The following REV3L variants were observed in gnomAD, a reference collection of about 807,000 sequenced individuals.
REV3L encodes the protein DNA polymerase zeta catalytic subunit.
REV3L carries 69 observed loss-of-function variants against 299.4 expected under a neutral mutation model. The ratio of observed to expected loss-of-function variants is 0.23; its 90% confidence interval spans 0.19 to 0.28. The LOEUF is 0.28. Ranked by LOEUF, REV3L falls within the 10% of genes least tolerant of loss-of-function variation. The pLI is 1.00. For synonymous variants in REV3L, 1,238 were observed against 1,271.4 expected, an observed-to-expected ratio of 0.97 and a Z score of 0.56; for missense variants, 3,128 against 3,693.8, an observed-to-expected ratio of 0.85 and a Z score of 3.97.
Position 111,387,890 on chromosome 6 carries a change from T to A in REV3L, c.971A>T (p.Tyr324Phe), listed in dbSNP as rs369481797. 1 of 1,613,952 alleles carries A rather than the reference T, an allele frequency of 6.2e-7. No homozygotes were observed. Among genetic ancestry groups the A allele is most frequent in the Admixed American group, 1.7e-5 (1 of 60,018 alleles). ...AGAGAACTCCTGGGATCCATCGCTG[T>A]AGTCCACAGATCCTGATAATGTTCT... ...FSVTLSGSVD[Y>F]SDGSQEFSAE... The change falls in exon 9 of 32, where the codon TAC (tyrosine) becomes TTC (phenylalanine). Residue 324 changes from tyrosine (Y) to phenylalanine (F), a missense_variant. By Grantham distance (22) the Tyr-to-Phe change is conservative (BLOSUM62 3). Transcript: ENST00000368802.
chr6:111,410,156 G>T (rs1409566455), intron 3 of REV3L, among the ~76,000 whole-genome samples: 1 of 152,176 alleles, frequency 6.6e-6, no homozygotes, highest in Non-Finnish European at 1.5e-5. Context: ...AGTGAGCTAT[G>T]ACTGCACCAT....
Position 111,374,106 on chromosome 6 carries a change from G to C in REV3L, c.4249C>G (p.Pro1417Ala). 3 of 1,614,074 alleles carry C rather than the reference G, an allele frequency of 1.9e-6. No individual in the cohort carries two copies. Among genetic ancestry groups the C allele is most frequent in the Middle Eastern group, 1.6e-4 (1 of 6,062 alleles). Reference protein sequence around the residue: ...LESKLDQAYTPNFLHCKDSQQ... With the variant: ...LESKLDQAYTANFLHCKDSQQ... ...CTGTCTTTGCAATGCAAAAAATTAG[G>C]GGTATATGCTTGGTCCAGCTTTGAT... Residue 1417 changes from proline to alanine, a missense_variant, in exon 13 of 32, where the codon CCT (proline) becomes GCT (alanine). Around this residue, in one of 9 missense-constraint regions of REV3L, gnomAD observed 2,409 missense variants for 2,611.8 expected, o/e 0.92. Transcript: ENST00000368802.
intron 2 of REV3L, among the ~76,000 whole-genome samples, chr6:111,415,365 G>C: frequency 6.6e-6 from 1 of 152,138 alleles, no homozygotes; most frequent in African/African-American, 2.4e-5. Context: ...TTACAGATCT[G>C]CTTTAGTATC....
rs1309331767 is a variant in REV3L, at chr6:111,392,870, A to G, written c.662+6T>C. 1.3e-6 allele frequency: 2 copies of G among 1,572,602 alleles called. No homozygotes were observed. ...AATTTTCATTTCCTTTACAACATTAACTAACCTTGGTATTTCATCTTGTTC... is the reference window on the plus strand; with the variant it reads ...AATTTTCATTTCCTTTACAACATTAGCTAACCTTGGTATTTCATCTTGTTC... On this transcript the variant is annotated splice_donor_region_variant and intron_variant, in intron 5 of 31. Transcript: ENST00000368802.
intron 16 of REV3L, 29 bp downstream of exon 16, chr6:111,363,824 T>C: frequency 6.2e-7 from 1 of 1,604,582 alleles, no homozygotes; most frequent in East Asian, 2.2e-5. Context: ...CTGAACACAA[T>C]GTATGTGTCC....
intron 20 of REV3L, among the ~76,000 whole-genome samples, chr6:111,347,011 T>A (rs1245810181): frequency 1.3e-5 from 2 of 152,174 alleles, no homozygotes; most frequent in African/African-American, 4.8e-5. Context: ...GGCTCACACC[T>A]GTAGTCCCAG....
At chr6:111,392,292 T>A (rs1472042201) in intron 5 of REV3L, among the ~76,000 whole-genome samples, 1 of 152,072 alleles carries the variant, frequency 6.6e-6, no homozygotes, top group African/African-American at 2.4e-5. Flanking sequence ...GTTTTCAGAA[T>A]TAAAAATTAG....
At chr6:111,421,511 C>CA (rs1293772062) in intron 1 of REV3L, among the ~76,000 whole-genome samples, 1 of 152,088 alleles carries the variant, frequency 6.6e-6, no homozygotes. Context: ...ACTTCATTTA[C>CA]AAAAACACGC....
At chr6:111,321,964 G>A (rs1192067571) in intron 26 of REV3L, among the ~76,000 whole-genome samples, 1 of 152,162 alleles carries the variant, frequency 6.6e-6, no homozygotes, top group Non-Finnish European at 1.5e-5. Flanking sequence ...CAGCAAGCAG[G>A]AAGCATGCAA....
intron 10 of REV3L, among the ~76,000 whole-genome samples, chr6:111,380,453 G>A (rs1780719091): frequency 6.6e-6 from 1 of 152,096 alleles, no homozygotes; most frequent in East Asian, 1.9e-4. Context: ...CAGAGATGGG[G>A]TTTCACCGTG....
Position 111,374,013 on chromosome 6 carries a change from C to T in REV3L, c.4342G>A (p.Ala1448Thr), listed in dbSNP as rs146767273. The change falls in exon 13 of 32, where the codon GCT (alanine) becomes ACT (threonine). Residue 1448 changes from alanine (A) to threonine (T), a missense_variant. Transcript: ENST00000368802. Reference sequence around the variant, plus strand: ...TTAGGCATTTGGCTTTCCTCTGAAGCTGTATTTCCCGGAGAACAAGTTTCA... The same window carrying T: ...TTAGGCATTTGGCTTTCCTCTGAAGTTGTATTTCCCGGAGAACAAGTTTCA... ...HSETCSPGNT[A>T]SEESQMPNNC... 1.9e-6 allele frequency: 3 copies of T among 1,614,014 alleles called. No individual in the cohort carries two copies. The highest frequency in any genetic ancestry group is 2.7e-5 in the African/African-American group (2 of 74,912).
chr6:111,375,568 A>T lies in REV3L; in HGVS notation c.2787T>A (p.Thr929=). The change falls in exon 13 of 32, where the codon ACT becomes ACA. Residue 929 remains threonine, a synonymous_variant. Transcript: ENST00000368802. Reference sequence around the variant, plus strand: ...TTACAAAACTTGACTCACTGTCTTCAGTCTCATAATTTACCTTGCGTTTGG... The same window carrying T: ...TTACAAAACTTGACTCACTGTCTTCTGTCTCATAATTTACCTTGCGTTTGG... ...LRAKRKVNYE[T]EDSESSFVTH... 9 of 1,613,834 alleles carry T rather than the reference A, an allele frequency of 5.6e-6. No individual in the cohort carries two copies. Among genetic ancestry groups the T allele is most frequent in the Non-Finnish European group, 7.6e-6 (9 of 1,179,906 alleles).
rs1208917240 is a variant in REV3L, at chr6:111,374,620, G to A, written c.3735C>T (p.His1245=). The part of the protein sequence containing the change: ...SGAEVKFVLK[H]QNVSEFASSS... ...TACTTGCAAATTCAGACACATTCTG[G>A]TGTTTCAGTACAAACTTAACCTCAG... Residue 1245 remains histidine, a synonymous_variant, in exon 13 of 32, where the codon CAC becomes CAT. Coordinates refer to ENST00000368802, the MANE Select transcript of REV3L (RefSeq NM_001372078.1). 6.2e-7 allele frequency: 1 copy of A among 1,613,604 alleles called. No homozygotes were observed. Among genetic ancestry groups the A allele is most frequent in the East Asian group, 2.2e-5 (1 of 44,868 alleles).
At position 111,483,040 on chromosome 6, in the gene REV3L, C is replaced by G; in HGVS notation, c.-152G>C. On this transcript the variant is annotated 5_prime_UTR_variant, in exon 1 of 32. Transcript: ENST00000368802. The stretch of plus-strand genomic sequence containing the variant: ...CAGAGGCACCTCGAGGAGCGGCGGG[C>G]GGGGCGGTGTAGGCGCTGCTGCCGC... 9.9e-7 allele frequency: 1 copy of G among 1,006,276 alleles called. No individual in the cohort carries two copies. The highest frequency in any genetic ancestry group is 1.3e-6 in the Non-Finnish European group (1 of 750,882). The allele number at this position is 1,006,276 out of a possible 1,614,324, so 62.3% of individuals were successfully genotyped here.
intron 1 of REV3L, among the ~76,000 whole-genome samples, chr6:111,480,548 TAA>T (rs1478813278): frequency 2.0e-5 from 3 of 152,180 alleles, no homozygotes; most frequent in Non-Finnish European, 2.9e-5. Flanking sequence ...GACGTGCTAA[TAA>T]AAATGCTGGC....
intron 1 of REV3L, among the ~76,000 whole-genome samples, chr6:111,417,689 T>C (rs1235050535): frequency 6.6e-6 from 1 of 152,238 alleles, no homozygotes; most frequent in African/African-American, 2.4e-5. Flanking sequence ...ATCTTAATGT[T>C]TACATTTCTT....
chr6:111,321,398 T>C (rs556207540), intron 26 of REV3L, among the ~76,000 whole-genome samples: 1 of 152,322 alleles, frequency 6.6e-6, no homozygotes, highest in South Asian at 2.1e-4. Flanking sequence ...AGTTAAAGGA[T>C]TAACATTTTT....
rs1031110238 is a variant in REV3L at position 111,335,415 on chromosome 6, A to G, written c.7680+54T>C. 6 of 1,545,692 alleles carry G rather than the reference A, an allele frequency of 3.9e-6. No individual in the cohort carries two copies. In the East Asian group the frequency reaches 7.1e-5, roughly 18 times the overall value. On this transcript the variant is annotated intron_variant, in intron 22 of 31. Transcript: ENST00000368802. ...AAGTCAAATCACTTCAAACATCACA[A>G]AAGTGTATCACTCATACAGAACTTT...
At chr6:111,465,083 TTG>T (rs1791284138) in intron 1 of REV3L, among the ~76,000 whole-genome samples, 1 of 127,016 alleles carries the variant, frequency 7.9e-6, no homozygotes, top group Non-Finnish European at 1.9e-5. Flanking sequence ...TTATTTTTAT[TTG>T]TTTTTTTTTT....
Sources: gnomAD v4.1 joint callset for allele counts (sites outside exome capture counted in the v4.1 genomes callset) on GRCh38, gnomAD v4.1.1 for gene constraint, gnomAD v4.1.1 regional missense constraint, MANE v1.5 for transcripts, NCBI Gene and HGNC (gene_info 2026-07-23, HGNC 2026-07-21) for gene names.